Variants in ADAMTSL1 observed in about 807,000 individuals in gnomAD.
ADAMTSL1 encodes ADAMTS-like protein 1.
ADAMTSL1 carries 126 observed loss-of-function variants against 201.8 expected under a neutral mutation model. That is an observed-to-expected ratio of 0.62 (90% CI 0.54 to 0.72). The LOEUF (loss-of-function observed/expected upper bound fraction) is 0.72, where lower values mean the gene tolerates loss of function less well. Ranked by LOEUF, ADAMTSL1 falls within the 30% of genes least tolerant of loss-of-function variation. ADAMTSL1 has a pLI of 0.00. For synonymous variants in ADAMTSL1, 1,121 were observed against 903.4 expected, an observed-to-expected ratio of 1.24 and a Z score of -4.32; for missense variants, 2,679 against 2,277.8, an observed-to-expected ratio of 1.18 and a Z score of -3.59.
chr9:18,113,900 T>C (rs72699425), intron 1 of ADAMTSL1, among the ~76,000 whole-genome samples: 5 of 152,182 alleles, frequency 3.3e-5, no homozygotes, highest in Admixed American at 6.5e-5. Context: ...CACAGAAAAG[T>C]GAAACAACTT....
At chr9:18,892,685 T>A in intron 26 of ADAMTSL1, 89 bp downstream of exon 26, 1 of 1,390,188 alleles carries the variant, frequency 7.2e-7, no homozygotes, top group Non-Finnish European at 9.7e-7. Context: ...TCACTGCCAC[T>A]GCCACCTCCT....
At chr9:18,121,873 T>C (rs1970066) in intron 1 of ADAMTSL1, among the ~76,000 whole-genome samples, 68,837 of 151,948 alleles carry the variant, frequency 0.45, 15,770 homozygotes, top group East Asian at 0.56. Flanking sequence ...TAAAACTCTT[T>C]AGAAAATTTT....
At chr9:18,013,859 T>C (rs1420153023) in intron 1 of ADAMTSL1, among the ~76,000 whole-genome samples, 1 of 152,000 alleles carries the variant, frequency 6.6e-6, no homozygotes, top group African/African-American at 2.4e-5. Context: ...ATTAAAATGC[T>C]GTGATCAAGT....
At chr9:18,720,002 T>A (rs1359905361) in intron 14 of ADAMTSL1, among the ~76,000 whole-genome samples, 1 of 152,242 alleles carries the variant, frequency 6.6e-6, no homozygotes, top group Non-Finnish European at 1.5e-5. Context: ...TATATAAATG[T>A]CCAGCTATAG....
At chr9:18,135,533 T>C (rs1213737197) in intron 1 of ADAMTSL1, among the ~76,000 whole-genome samples, 2 of 152,166 alleles carry the variant, frequency 1.3e-5, no homozygotes, top group African/African-American at 4.8e-5. Context: ...TAGTGGTGCA[T>C]GCCTGTAGTC....
At chr9:18,310,497 TAAAC>T (rs1172242920) in intron 2 of ADAMTSL1, among the ~76,000 whole-genome samples, 3 of 150,304 alleles carry the variant, frequency 2.0e-5, no homozygotes, top group Admixed American at 6.7e-5. Context: ...ATAAGGAACT[TAAAC>T]AAATTTACAA....
rs548854856 is a variant in ADAMTSL1, at chr9:18,579,007, T to G, written c.474+4741T>G. 5.4e-3 allele frequency among the ~76,000 whole-genome samples: 823 copies of G among 152,012 alleles called. 9 individuals are homozygous for G. The highest frequency in any genetic ancestry group is 0.018 in the African/African-American group (761 of 41,450). Reference sequence around the variant, plus strand: ...ATGATGAGCATTTTTTCATGTGTTTTTTGGCTGCATAAATGTCTTCTTTTG... The same window carrying G: ...ATGATGAGCATTTTTTCATGTGTTTGTTGGCTGCATAAATGTCTTCTTTTG... On this transcript the variant is annotated intron_variant, in intron 4 of 28. Transcript: ENST00000380548.
chr9:18,343,565 T>C (rs10156465), intron 2 of ADAMTSL1, among the ~76,000 whole-genome samples: 13,508 of 152,196 alleles, frequency 0.089, 783 homozygotes, highest in East Asian at 0.25. Flanking sequence ...GTCAGTGCAA[T>C]TGAACTAAAA....
intron 23 of ADAMTSL1, among the ~76,000 whole-genome samples, chr9:18,858,281 A>G (rs1445317552): frequency 2.0e-5 from 3 of 151,964 alleles, no homozygotes; most frequent in Non-Finnish European, 4.4e-5. Context: ...ACAGCCTCCT[A>G]CCATTGCTGC....
chr9:18,089,138 G>A (rs897738905), intron 1 of ADAMTSL1, among the ~76,000 whole-genome samples: 7 of 152,148 alleles, frequency 4.6e-5, no homozygotes, highest in Admixed American at 1.3e-4. Context: ...GGCGACAGGA[G>A]CGAAACTCTG....
chr9:18,221,483 TA>T (rs1830258311), intron 2 of ADAMTSL1, among the ~76,000 whole-genome samples: 1 of 152,188 alleles, frequency 6.6e-6, no homozygotes, highest in East Asian at 1.9e-4. Flanking sequence ...TCCTTCTTTT[TA>T]TCTCTCTATA....
chr9:18,220,603 A>T (rs1216125048), intron 2 of ADAMTSL1, among the ~76,000 whole-genome samples: 1 of 152,078 alleles, frequency 6.6e-6, no homozygotes, highest in African/African-American at 2.4e-5. Context: ...GTTGTGTAGT[A>T]GTTGTGAATA....
intron 2 of ADAMTSL1, among the ~76,000 whole-genome samples, chr9:18,340,378 T>G (rs1176684064): frequency 6.6e-6 from 1 of 152,216 alleles, no homozygotes; most frequent in African/African-American, 2.4e-5. Flanking sequence ...ATATGTATCT[T>G]GAATTACAAA....
At chr9:17,995,501 G>A (rs1819336181) in intron 1 of ADAMTSL1, among the ~76,000 whole-genome samples, 1 of 152,242 alleles carries the variant, frequency 6.6e-6, no homozygotes, top group Non-Finnish European at 1.5e-5. Flanking sequence ...TTGGCAAAAG[G>A]AAATTAGGTG....
At chr9:18,632,473 G>C (rs1250896407) in intron 5 of ADAMTSL1, among the ~76,000 whole-genome samples, 1 of 152,118 alleles carries the variant, frequency 6.6e-6, no homozygotes, top group African/African-American at 2.4e-5. Context: ...AGAGTGAAAT[G>C]GGTTTCTTTG....
rs1408852140 is a variant in ADAMTSL1, at chr9:18,777,223, G to A, written c.2994G>A (p.Gln998=). Residue 998 remains glutamine, a synonymous_variant, in exon 19 of 29, where the codon CAG becomes CAA. Transcript: ENST00000380548. ...AGGCCCTGCAGACCCACAAACACCA[G>A]AACGGGATCTTCTCCAACGGCAGCA... ...PKEALQTHKH[Q]NGIFSNGSKA... The A allele has an allele frequency of 3.7e-6, 6 of 1,612,700 alleles. No individual in the cohort carries two copies. In the Admixed American group the frequency reaches 8.3e-5, roughly 22 times the overall value.
intron 2 of ADAMTSL1, among the ~76,000 whole-genome samples, chr9:18,399,323 AT>A (rs1817887129): frequency 2.5e-5 from 3 of 121,122 alleles, no homozygotes; most frequent in Admixed American, 8.1e-5. Flanking sequence ...ATATATATAT[AT>A]ATATAAAATT....
chr9:18,812,213 T>C (rs1823547594), intron 20 of ADAMTSL1, among the ~76,000 whole-genome samples: 1 of 152,144 alleles, frequency 6.6e-6, no homozygotes, highest in Admixed American at 6.5e-5. Context: ...TGTGTGATAT[T>C]GGTAGAGGGA....
chr9:18,167,945 A>T (rs1485855675), intron 2 of ADAMTSL1, among the ~76,000 whole-genome samples: 1 of 152,044 alleles, frequency 6.6e-6, no homozygotes, highest in Non-Finnish European at 1.5e-5. Context: ...CATTCAGCAC[A>T]TTCCTGACAG....
Sources: allele counts gnomAD v4.1 joint callset (sites outside exome capture counted in the v4.1 genomes callset), GRCh38; gene constraint gnomAD v4.1.1; transcripts MANE v1.5; gene names NCBI Gene and HGNC (gene_info 2026-07-23, HGNC 2026-07-21).